L2HGDH: variants seen among roughly 807,000 people sequenced by gnomAD.
The protein encoded by L2HGDH is L-2-hydroxyglutarate dehydrogenase, mitochondrial.
In L2HGDH, 34 loss-of-function variants were observed where a neutral mutation model predicts 51.5. The observed-to-expected ratio is 0.66, with a 90% CI of 0.50 to 0.88. The LOEUF (loss-of-function observed/expected upper bound fraction) is 0.88, where lower values mean the gene tolerates loss of function less well. Ranked by LOEUF, L2HGDH falls within the 40% of genes least tolerant of loss-of-function variation. The pLI, the probability that L2HGDH is intolerant of heterozygous loss-of-function variation, is 0.00. For synonymous variants in L2HGDH, 198 were observed against 197.9 expected (o/e 1.00, Z -0.01); for missense variants, 558 against 571.9 (o/e 0.98, Z 0.25).
chr14:50,272,044 G>C (rs1889725174), intron 6 of L2HGDH, among the ~76,000 whole-genome samples: 1 of 152,206 alleles, frequency 6.6e-6, no homozygotes, highest in Admixed American at 6.5e-5. Flanking sequence ...ATGTGGCTGA[G>C]GCACAACAAT....
In L2HGDH at chr14:50,246,995, G is replaced by A. The variant is rs1888040458; in HGVS notation, c.*63C>T. On this transcript the variant is annotated 3_prime_UTR_variant, in exon 10 of 10. Coordinates refer to ENST00000267436, the MANE Select transcript of L2HGDH (RefSeq NM_024884.3). Reference sequence around the variant, plus strand: ...AAAACCATTTTTTAAATTAAAGAATGCAATTAGTACATTCTTGTTGCTGAC... The same window carrying A: ...AAAACCATTTTTTAAATTAAAGAATACAATTAGTACATTCTTGTTGCTGAC... 5 of 1,550,338 alleles carry A rather than the reference G, an allele frequency of 3.2e-6. No homozygotes were observed. Among genetic ancestry groups the A allele is most frequent in the African/African-American group, 1.4e-5 (1 of 73,052 alleles).
intron 6 of L2HGDH, among the ~76,000 whole-genome samples, chr14:50,275,329 T>G (rs1293994613): frequency 6.6e-6 from 1 of 152,192 alleles, no homozygotes; most frequent in Non-Finnish European, 1.5e-5. Context: ...CTGCCAATAG[T>G]AGATAGCAAC....
chr14:50,242,800 A>G lies in L2HGDH; in HGVS notation c.*4258T>C. 2.0e-6 allele frequency: 2 copies of G among 985,448 alleles called. No homozygotes were observed. Among genetic ancestry groups the G allele is most frequent in the Non-Finnish European group, 2.4e-6 (2 of 829,928 alleles). The allele number at this position is 985,448 out of a possible 1,614,324, so 61.0% of individuals were successfully genotyped here. ...TCAAAAATGTTTACAAGATCTTTAG[A>G]TAATAGTGTATGCGCAGAAAGATGA... On this transcript the variant is annotated 3_prime_UTR_variant, in exon 10 of 10. Coordinates refer to ENST00000267436, the MANE Select transcript of L2HGDH (RefSeq NM_024884.3).
At chr14:50,259,753 G>C (rs978669442) in intron 9 of L2HGDH, among the ~76,000 whole-genome samples, 7 of 151,894 alleles carry the variant, frequency 4.6e-5, no homozygotes, top group Non-Finnish European at 1.0e-4. Flanking sequence ...AGAGTCACCT[G>C]AACCCGGGAA....
In L2HGDH at chr14:50,242,772, A is replaced by T. The variant is rs1272171735; in HGVS notation, c.*4286T>A. 2.0e-6 allele frequency: 2 copies of T among 985,338 alleles called. No individual in the cohort carries two copies. Among genetic ancestry groups the T allele is most frequent in the African/African-American group, 3.5e-5 (2 of 57,252 alleles). The allele number at this position is 985,338 out of a possible 1,614,324, so 61.0% of individuals were successfully genotyped here. Reference sequence around the variant, plus strand: ...GCTTAGAAACTGACTTTACGATTACAACTCAAAAATGTTTACAAGATCTTT... The same window carrying T: ...GCTTAGAAACTGACTTTACGATTACTACTCAAAAATGTTTACAAGATCTTT... On this transcript the variant is annotated 3_prime_UTR_variant, in exon 10 of 10. Coordinates refer to ENST00000267436, the MANE Select transcript of L2HGDH (RefSeq NM_024884.3).
chr14:50,302,988 C>A lies in L2HGDH; in HGVS notation c.170G>T (p.Gly57Val). 2 of 1,613,458 alleles carry A rather than the reference C, an allele frequency of 1.2e-6. No individual in the cohort carries two copies. Among genetic ancestry groups the A allele is most frequent in the African/African-American group, 2.7e-5 (2 of 75,044 alleles). The change falls in exon 2 of 10, where the codon GGA becomes GTA. Residue 57 changes from glycine (G) to valine (V), a missense_variant. Gly to Val is a moderately radical substitution (Grantham distance 109). Around this residue, in one of 3 missense-constraint regions of L2HGDH, gnomAD observed 194 missense variants for 187.2 expected, o/e 1.04. Coordinates refer to ENST00000267436, the MANE Select transcript of L2HGDH (RefSeq NM_024884.3). ...TCTGGCAGAGGCAAGCCCCACAATT[C>A]CGCCACCAACGATGACTATATCAAA... ...SSFDIVIVGG[G>V]IVGLASARAL...
chr14:50,277,194 CTG>C (rs1491323806), intron 6 of L2HGDH, among the ~76,000 whole-genome samples: 1 of 142,690 alleles, frequency 7.0e-6, no homozygotes, highest in African/African-American at 2.5e-5. Context: ...ATAAAGTAGA[CTG>C]TTTTTTTTTT....
At chr14:50,255,272 C>T (rs1487712848) in intron 9 of L2HGDH, among the ~76,000 whole-genome samples, 3 of 151,758 alleles carry the variant, frequency 2.0e-5, no homozygotes, top group Admixed American at 1.3e-4. Flanking sequence ...AGGTGGCTCC[C>T]GCCTGTAATC....
intron 4 of L2HGDH, among the ~76,000 whole-genome samples, chr14:50,289,625 T>A (rs1261417866): frequency 6.6e-6 from 1 of 151,910 alleles, no homozygotes; most frequent in Non-Finnish European, 1.5e-5. Flanking sequence ...AAATGAAAAG[T>A]CCCCAAATAT....
chr14:50,249,729 G>C (rs896884424), intron 9 of L2HGDH, among the ~76,000 whole-genome samples: 1 of 152,000 alleles, frequency 6.6e-6, no homozygotes, highest in African/African-American at 2.4e-5. Context: ...CACATTCCCA[G>C]CTGTGGTGGC....
In L2HGDH at chr14:50,302,145, T is replaced by C; in HGVS notation, c.280A>G (p.Ser94Gly). ...DLAVHQTGHN[S>G]GVIHSGIYYK... Reference sequence around the variant, plus strand: ...TAAATTCCACTATGTATGACACCACTGTTATGTCCAGTCTGGTGAACAGCT... The same window carrying C: ...TAAATTCCACTATGTATGACACCACCGTTATGTCCAGTCTGGTGAACAGCT... The change falls in exon 3 of 10, where the codon AGT (serine) becomes GGT (glycine). Residue 94 changes from serine (S) to glycine (G), a missense_variant. Around this residue, in one of 3 missense-constraint regions of L2HGDH, gnomAD observed 194 missense variants for 187.2 expected, o/e 1.04. Transcript: ENST00000267436. 1 of 1,614,162 alleles carries C rather than the reference T, an allele frequency of 6.2e-7. No homozygotes were observed. The highest frequency in any genetic ancestry group is 8.5e-7 in the Non-Finnish European group (1 of 1,180,014).
intron 4 of L2HGDH, chr14:50,287,358 A>AAT: frequency 1.0e-6 from 1 of 970,024 alleles, no homozygotes; most frequent in Non-Finnish European, 1.2e-6. Flanking sequence ...CAACAATCAG[A>AAT]TAGACCAATT....
chr14:50,265,262 ACT>A, intron 9 of L2HGDH, 94 bp downstream of exon 9: 1 of 1,047,286 alleles, frequency 9.5e-7, no homozygotes, highest in South Asian at 1.3e-5. Context: ...ATGCAGACTG[ACT>A]CTGAAATGGT....
intron 7 of L2HGDH, 75 bp downstream of exon 7, chr14:50,269,088 T>A: frequency 3.0e-6 from 4 of 1,318,540 alleles, no homozygotes; most frequent in Non-Finnish European, 4.3e-6. Context: ...CTGACCCAAG[T>A]GAAAGTTGTT....
At chr14:50,289,192 T>C (rs1210271941) in intron 4 of L2HGDH, among the ~76,000 whole-genome samples, 2 of 152,170 alleles carry the variant, frequency 1.3e-5, no homozygotes, top group Non-Finnish European at 2.9e-5. Context: ...CCAGCCCTTA[T>C]ATCAGTTATT....
chr14:50,283,984 T>A lies in L2HGDH; in HGVS notation c.590A>T (p.Gln197Leu), dbSNP rs1890423119. The change falls in exon 5 of 10, where the codon CAG becomes CTG. Residue 197 changes from glutamine (Q) to leucine (L), a missense_variant. Physicochemically the swap from Gln to Leu is moderately radical, Grantham distance 113. This residue lies in a region of L2HGDH where 43 missense variants were observed against 72.9 expected (regional missense o/e 0.59). Transcript: ENST00000267436. The part of the protein sequence containing the change: ...CPHTGIVDYR[Q>L]VALSFAQDFQ... ...ATCCTGGGCAAATGACAAAGCCACC[T>A]GCCGATAGTCCACAATGCCAGTATG... 1.2e-6 allele frequency: 2 copies of A among 1,614,186 alleles called. No individual in the cohort carries two copies. Among genetic ancestry groups the A allele is most frequent in the East Asian group, 4.5e-5 (2 of 44,872 alleles).
intron 9 of L2HGDH, among the ~76,000 whole-genome samples, chr14:50,251,325 A>C (rs1238734669): frequency 1.3e-5 from 2 of 152,252 alleles, no homozygotes; most frequent in South Asian, 4.1e-4. Context: ...TAGTCAGATG[A>C]GACAAAAGAA....
chr14:50,279,617 G>C (rs573826377), intron 5 of L2HGDH, among the ~76,000 whole-genome samples: 1 of 151,730 alleles, frequency 6.6e-6, no homozygotes, highest in Non-Finnish European at 1.5e-5. Context: ...AGGTGGGCAG[G>C]TTGTTTGAGC....
intron 3 of L2HGDH, among the ~76,000 whole-genome samples, chr14:50,295,572 AT>A (rs545388262): frequency 0.014 from 1,437 of 105,796 alleles, 32 homozygotes; most frequent in African/African-American, 0.044. Context: ...CACTCGGCTA[AT>A]TTTTTTTTTT....
Sources: gnomAD v4.1 joint callset for allele counts (sites outside exome capture counted in the v4.1 genomes callset) on GRCh38, gnomAD v4.1.1 for gene constraint, gnomAD v4.1.1 regional missense constraint, MANE v1.5 for transcripts, NCBI Gene and HGNC (gene_info 2026-07-23, HGNC 2026-07-21) for gene names.